DNAH5: variants seen among roughly 807,000 people sequenced by gnomAD.
DNAH5 encodes axonemal beta dynein heavy chain 5.
A neutral mutation model predicts 518.2 loss-of-function variants in DNAH5; 372 were observed. The observed-to-expected ratio is 0.72, with a 90% CI of 0.66 to 0.78. The LOEUF is 0.78. DNAH5 is among the 30% of genes least tolerant of loss of function. DNAH5 has a pLI of 0.00. For synonymous variants in DNAH5, 2,039 were observed against 2,025.9 expected (o/e 1.01, Z -0.17); for missense variants, 5,523 against 5,687.0 (o/e 0.97, Z 0.93).
At chr5:13,801,632 T>G (rs1194160889) in intron 47 of DNAH5, among the ~76,000 whole-genome samples, 1 of 152,174 alleles carries the variant, frequency 6.6e-6, no homozygotes, top group Non-Finnish European at 1.5e-5. Flanking sequence ...TCTCTCTGAG[T>G]GCAGCCATGT....
At chr5:13,854,092 T>A (rs1195294759) in intron 30 of DNAH5, among the ~76,000 whole-genome samples, 1 of 151,920 alleles carries the variant, frequency 6.6e-6, no homozygotes, top group Non-Finnish European at 1.5e-5. Flanking sequence ...AAGGTTGAAA[T>A]GAAGGAAAAA....
chr5:13,975,997 C>T (rs1782209619), intron 1 of DNAH5, among the ~76,000 whole-genome samples: 1 of 152,076 alleles, frequency 6.6e-6, no homozygotes, highest in African/African-American at 2.4e-5. Context: ...CCACTGCACT[C>T]CAGCCTGAGA....
rs141141086 is a variant in DNAH5, at chr5:13,844,997, C to T, written c.5115-4G>A. On this transcript the variant is annotated splice_polypyrimidine_tract_variant and splice_region_variant and intron_variant, in intron 31 of 78. Transcript: ENST00000265104. ...CAGTCGTTTTTTCTCCAAGTACCTA[C>T]AAGGAGAGGAAAAACATAAACCTTT... is the stretch of plus-strand genomic sequence containing the variant. The T allele has an allele frequency of 3.1e-5, 50 of 1,595,810 alleles. 1 individual carries two copies. The East Asian group carries it at 5.2e-4, about 17-fold the overall frequency.
At chr5:13,777,143 G>A in intron 54 of DNAH5, 59 bp downstream of exon 54, 2 of 1,517,138 alleles carry the variant, frequency 1.3e-6, no homozygotes, top group East Asian at 2.3e-5. Flanking sequence ...AACATGTAGA[G>A]CTCTAAGCTG....
chr5:13,938,408 G>A (rs1219577462), intron 1 of DNAH5, among the ~76,000 whole-genome samples: 1 of 151,972 alleles, frequency 6.6e-6, no homozygotes, highest in Non-Finnish European at 1.5e-5. Flanking sequence ...GAGAGAGAAA[G>A]ACCACATTCA....
rs1258493440 is a variant in DNAH5, at chr5:13,752,399, C to G, written c.10873-110G>C. 3.1e-6 allele frequency: 4 copies of G among 1,280,226 alleles called. No homozygotes were observed. The African/African-American group carries it at 5.9e-5, about 19-fold the overall frequency. 79.3% of individuals were successfully genotyped at this position (1,280,226 alleles called of 1,614,324 possible). ...AGCATTCTACTGCAAGAGACAAATACAAATTGAGCATCCAAAATGTTCCCA... is the reference window on the plus strand; with the variant it reads ...AGCATTCTACTGCAAGAGACAAATAGAAATTGAGCATCCAAAATGTTCCCA... On this transcript the variant is annotated intron_variant, in intron 63 of 78. Transcript: ENST00000265104.
rs1417443952 is a variant in DNAH5 at position 13,839,529 on chromosome 5, C to T, written c.5710-1G>A. On this transcript the variant is annotated splice_acceptor_variant, in intron 34 of 78. Transcript: ENST00000265104. LOFTEE classifies it high-confidence loss of function. ...TGGGACTCTTGATATGCATATGACA[C>T]TGAAATTCAAAAGGTATATGTTAGA... 1 of 1,612,806 alleles carries T rather than the reference C, an allele frequency of 6.2e-7. No homozygotes were observed. Among genetic ancestry groups the T allele is most frequent in the Non-Finnish European group, 8.5e-7 (1 of 1,179,100 alleles).
chr5:13,979,838 T>G (rs1222526748), intron 1 of DNAH5, among the ~76,000 whole-genome samples: 1 of 138,446 alleles, frequency 7.2e-6, no homozygotes. Context: ...CAAAGTTTTT[T>G]GGGGTTTTTT....
chr5:13,739,910 T>C (rs1160101037), intron 65 of DNAH5, among the ~76,000 whole-genome samples: 1 of 152,190 alleles, frequency 6.6e-6, no homozygotes, highest in African/African-American at 2.4e-5. Flanking sequence ...CTCCCAAGTT[T>C]ATATCTCAGC....
Position 13,865,726 on chromosome 5 carries a change from G to T in DNAH5, c.4297C>A (p.Leu1433Ile). Residue 1433 changes from leucine to isoleucine, a missense_variant, in exon 27 of 79, where the codon CTT becomes ATT. Physicochemically the swap from Leu to Ile is conservative, Grantham distance 5. Coordinates refer to ENST00000265104, the MANE Select transcript of DNAH5 (RefSeq NM_001369.3). ...TTTTCAATATTCACCTCTGACCAAA[G>T]AATATCATAATAGCTATTTACAGTT... is the stretch of plus-strand genomic sequence containing the variant. ...IETVNSYYDI[L>I]WSEVNIEKIN... The T allele has an allele frequency of 6.2e-7, 1 of 1,606,984 alleles. No homozygotes were observed. The highest frequency in any genetic ancestry group is 8.5e-7 in the Non-Finnish European group (1 of 1,173,626).
rs1469620512 is a variant in DNAH5 at position 13,707,410 on chromosome 5, G to A, written c.13338+713C>T. 6.6e-6 allele frequency among the ~76,000 whole-genome samples: 1 copy of A among 152,228 alleles called. No homozygotes were observed. The highest frequency in any genetic ancestry group is 2.4e-5 in the African/African-American group (1 of 41,454). On this transcript the variant is annotated intron_variant, in intron 76 of 78. Coordinates refer to ENST00000265104, the MANE Select transcript of DNAH5 (RefSeq NM_001369.3). This position sits in a 1 kb window ranked among gnomAD's most constrained non-coding sequence, Gnocchi z 4.0. ...GAAAGCCCTCTGTCCTTGCGATAAA[G>A]AGGGTCTAATTGAGCTGATTAACGC... is the stretch of plus-strand genomic sequence containing the variant.
At position 13,788,707 on chromosome 5, in the gene DNAH5, A is replaced by G. The variant is rs750094609; in HGVS notation, c.8647+9T>C. On this transcript the variant is annotated intron_variant, in intron 51 of 78. Transcript: ENST00000265104. ...TTGGGGAATTCCAAATTCCACTTCAATAGTTTACCTGCAGCTTCAGGTGCA... is the reference window on the plus strand; with the variant it reads ...TTGGGGAATTCCAAATTCCACTTCAGTAGTTTACCTGCAGCTTCAGGTGCA... 4 of 1,612,320 alleles carry G rather than the reference A, an allele frequency of 2.5e-6. No homozygotes were observed. In the Admixed American group the frequency reaches 5.0e-5, roughly 20 times the overall value.
chr5:13,727,067 G>A (rs1001653173), intron 70 of DNAH5, among the ~76,000 whole-genome samples: 1 of 152,186 alleles, frequency 6.6e-6, no homozygotes, highest in East Asian at 1.9e-4. Flanking sequence ...CTGGGGAAAT[G>A]ACTACGGTTT....
intron 41 of DNAH5, among the ~76,000 whole-genome samples, chr5:13,817,960 G>T (rs1761680244): frequency 6.6e-6 from 1 of 152,024 alleles, no homozygotes; most frequent in Admixed American, 6.6e-5. Flanking sequence ...AATTTATGAA[G>T]GTACTAATAT....
intron 55 of DNAH5, among the ~76,000 whole-genome samples, chr5:13,774,334 C>T (rs539470324): frequency 6.6e-5 from 10 of 152,034 alleles, no homozygotes; most frequent in Admixed American, 2.0e-4. Context: ...GTTTGATGAG[C>T]GATAATGGCC....
intron 50 of DNAH5, among the ~76,000 whole-genome samples, chr5:13,789,327 C>T (rs1756587765): frequency 6.6e-6 from 1 of 152,122 alleles, no homozygotes; most frequent in African/African-American, 2.4e-5. Flanking sequence ...GGTGTATTCA[C>T]TTAACACAAA....
At chr5:13,941,284 G>A (rs1330860483) in intron 1 of DNAH5, among the ~76,000 whole-genome samples, 1 of 152,202 alleles carries the variant, frequency 6.6e-6, no homozygotes, top group African/African-American at 2.4e-5. Flanking sequence ...GTTGAGCCCA[G>A]GAGTTCTAGG....
At chr5:13,726,573 AT>A (rs1312414168) in intron 70 of DNAH5, among the ~76,000 whole-genome samples, 39 of 152,208 alleles carry the variant, frequency 2.6e-4, no homozygotes, top group African/African-American at 9.4e-4. Flanking sequence ...CCATTTCACA[AT>A]TCAGTTGGGC....
rs1316083016 is a variant in DNAH5 at position 13,902,091 on chromosome 5, G to C, written c.1692C>G (p.Asn564Lys). The change falls in exon 13 of 79, where the codon AAC becomes AAG. Residue 564 changes from asparagine (N) to lysine (K), a missense_variant. Coordinates refer to ENST00000265104, the MANE Select transcript of DNAH5 (RefSeq NM_001369.3). The part of the protein sequence containing the change: ...FMDVTFAKIQ[N>K]TNQALRMLKK... ...TCAACATTCTTAGAGCTTGATTTGT[G>C]TTTTGAATCTTTGCAAATGTAACAT... is the stretch of plus-strand genomic sequence containing the variant. 1 of 1,609,040 alleles carries C rather than the reference G, an allele frequency of 6.2e-7. No individual in the cohort carries two copies. Among genetic ancestry groups the C allele is most frequent in the Middle Eastern group, 1.7e-4 (1 of 6,040 alleles).
Sources: gnomAD v4.1 joint callset for allele counts (sites outside exome capture counted in the v4.1 genomes callset) on GRCh38, gnomAD v4.1.1 for gene constraint, Gnocchi (gnomAD v3.1) non-coding constraint, MANE v1.5 for transcripts, NCBI Gene and HGNC (gene_info 2026-07-23, HGNC 2026-07-21) for gene names.